STAP1: variants seen among roughly 807,000 people sequenced by gnomAD.
The protein encoded by STAP1 is signal transducing adaptor family member 1.
Under a neutral mutation model 37.8 loss-of-function variants are expected in STAP1, and 30 were observed. That is an observed-to-expected ratio of 0.79 (90% confidence interval 0.59 to 1.08). The LOEUF (loss-of-function observed/expected upper bound fraction) is 1.08, where lower values mean the gene tolerates loss of function less well. STAP1 is among the 50% of genes least tolerant of loss of function. The probability of loss-of-function intolerance (pLI) is 0.00; values close to 1 mark genes in which losing one functional copy is unlikely to be tolerated. For synonymous variants in STAP1, 130 were observed against 116.0 expected, an observed-to-expected ratio of 1.12 and a Z score of -0.78; for missense variants, 357 against 349.4, an observed-to-expected ratio of 1.02 and a Z score of -0.17.
chr4:67,581,605 C>A, intron 5 of STAP1, 134 bp downstream of exon 5: 1 of 903,148 alleles, frequency 1.1e-6, no homozygotes, highest in Non-Finnish European at 1.6e-6. Context: ...TATATCTCTG[C>A]GTACATGCCA....
intron 6 of STAP1, among the ~76,000 whole-genome samples, chr4:67,587,916 G>T (rs1577761050): frequency 6.6e-6 from 1 of 150,856 alleles, no homozygotes; most frequent in South Asian, 2.1e-4. Context: ...TACAGACGGG[G>T]TTTCTCCATG....
intron 6 of STAP1, among the ~76,000 whole-genome samples, chr4:67,585,658 T>C (rs3775873): frequency 0.45 from 68,947 of 152,152 alleles, 17,091 homozygotes; most frequent in Non-Finnish European, 0.58. Flanking sequence ...GGATTTTCAA[T>C]TCTATTGAAA....
rs144841016 is a variant in STAP1, at chr4:67,593,268, C to T, written c.738C>T (p.Leu246=). 9.9e-5 allele frequency: 159 copies of T among 1,612,482 alleles called. 1 individual carries two copies. In the African/African-American group the frequency reaches 1.9e-3, roughly 19 times the overall value. Residue 246 remains leucine (L), a synonymous_variant, in exon 8 of 9, where the codon CTC becomes CTT. Coordinates refer to ENST00000265404, the MANE Select transcript of STAP1 (RefSeq NM_012108.4). ...ACTCTCTATTAATACAGGTAACACT[C>T]CCAAACCTTTTCAGTGTCATTGATT... ...YTIELEKPVT[L]PNLFSVIDYF...
intron 4 of STAP1, among the ~76,000 whole-genome samples, chr4:67,580,649 C>A (rs1293235523): frequency 6.6e-6 from 1 of 152,124 alleles, no homozygotes; most frequent in Non-Finnish European, 1.5e-5. Flanking sequence ...CAGAGCTGGT[C>A]ATAATGAGGT....
chr4:67,601,966 C>G (rs1560468667), intron 8 of STAP1, among the ~76,000 whole-genome samples: 1 of 151,820 alleles, frequency 6.6e-6, no homozygotes, highest in East Asian at 1.9e-4. Flanking sequence ...CTCTTTAAGA[C>G]TAGTAACTCT....
chr4:67,599,424 G>T (rs1004655854), intron 8 of STAP1, among the ~76,000 whole-genome samples: 1 of 151,640 alleles, frequency 6.6e-6, no homozygotes, highest in African/African-American at 2.4e-5. Flanking sequence ...ATTTTTCATG[G>T]TTTCATCTTG....
intron 4 of STAP1, 143 bp downstream of exon 4, chr4:67,577,402 AC>A: frequency 3.5e-6 from 2 of 566,906 alleles, no homozygotes; most frequent in Non-Finnish European, 5.9e-6. Context: ...TTACTTATGA[AC>A]ATTATATTTT....
rs151189818 is a variant in STAP1 at position 67,597,961 on chromosome 4, A to G, written c.826+4605A>G. On this transcript the variant is annotated intron_variant, in intron 8 of 8. Transcript: ENST00000265404. ...GAATTTGAGGGACTGTTGGGAAGGC[A>G]TGATAGGTTTTGAAATGTGAAACGG... 7.1e-3 allele frequency among the ~76,000 whole-genome samples: 1,074 copies of G among 152,264 alleles called. 11 individuals carry two copies. Among genetic ancestry groups the G allele is most frequent in the African/African-American group, 0.023 (961 of 41,564 alleles).
rs904649893 is a variant in STAP1 at position 67,606,982 on chromosome 4, T to C, written c.*625T>C. On this transcript the variant is annotated 3_prime_UTR_variant, in exon 9 of 9. Transcript: ENST00000265404. ...GGTGAAAGGCTGTATCATCATCTTG[T>C]CGTAAGTACGATGAGCCTGATTATA... is the stretch of plus-strand genomic sequence containing the variant. 2.0e-5 allele frequency: 3 copies of C among 152,226 alleles called. No homozygotes were observed. The highest frequency in any genetic ancestry group is 7.2e-5 in the African/African-American group (3 of 41,450). The allele number at this position is 152,226 out of a possible 1,614,324, so 9.4% of individuals were successfully genotyped here.
intron 1 of STAP1, among the ~76,000 whole-genome samples, chr4:67,568,765 T>C (rs1038469089): frequency 7.2e-5 from 11 of 152,214 alleles, no homozygotes; most frequent in African/African-American, 2.7e-4. Flanking sequence ...CTATGAGCCA[T>C]GTACTCTGCT....
intron 8 of STAP1, among the ~76,000 whole-genome samples, chr4:67,599,638 T>A (rs1171791714): frequency 1.3e-5 from 2 of 151,788 alleles, no homozygotes; most frequent in Non-Finnish European, 2.9e-5. Flanking sequence ...TCTTTTTTCT[T>A]TTTCTTTTTT....
chr4:67,561,836 G>C (rs1727345066), intron 1 of STAP1, among the ~76,000 whole-genome samples: 1 of 151,876 alleles, frequency 6.6e-6, no homozygotes, highest in South Asian at 2.1e-4. Flanking sequence ...CACTCTGGGA[G>C]GCCCAGGTGG....
intron 7 of STAP1, among the ~76,000 whole-genome samples, chr4:67,591,977 A>T (rs10000695): frequency 1.3e-5 from 2 of 151,948 alleles, no homozygotes; most frequent in African/African-American, 2.4e-5. Flanking sequence ...ATAATGTGTC[A>T]TCTTTGTAAC....
At chr4:67,595,822 TTGAC>T (rs1251476171) in intron 8 of STAP1, among the ~76,000 whole-genome samples, 2 of 152,174 alleles carry the variant, frequency 1.3e-5, no homozygotes, top group African/African-American at 4.8e-5. Context: ...TCCTGAGACT[TTGAC>T]TGGATTATGT....
intron 2 of STAP1, among the ~76,000 whole-genome samples, chr4:67,573,620 T>G (rs1332080435): frequency 1.3e-5 from 2 of 152,218 alleles, no homozygotes; most frequent in Non-Finnish European, 2.9e-5. Flanking sequence ...ATGTATTTAT[T>G]TTTAAAATTG....
Position 67,575,487 on chromosome 4 carries a change from G to A in STAP1, c.295G>A (p.Val99Ile), listed in dbSNP as rs778459811. Residue 99 changes from valine (V) to isoleucine (I), a missense_variant, in exon 3 of 9, where the codon GTA (valine) becomes ATA (isoleucine). Transcript: ENST00000265404. ...CACCCTTGTTTTGCCGAAAGAGGAA[G>A]TACAACTGAAGGTGAGCGAGGAGAA... The part of the protein sequence containing the change: ...KFTLVLPKEE[V>I]QLKTENTESG... 3 of 1,609,026 alleles carry A rather than the reference G, an allele frequency of 1.9e-6. No homozygotes were observed. Among genetic ancestry groups the A allele is most frequent in the Non-Finnish European group, 1.7e-6 (2 of 1,177,710 alleles).
rs537393368 is a variant in STAP1 at position 67,575,484 on chromosome 4, G to C, written c.292G>C (p.Glu98Gln). ...AKFTLVLPKE[E>Q]VQLKTENTES... The stretch of plus-strand genomic sequence containing the variant: ...ATTCACCCTTGTTTTGCCGAAAGAG[G>C]AAGTACAACTGAAGGTGAGCGAGGA... Residue 98 changes from glutamate (E) to glutamine (Q), a missense_variant, in exon 3 of 9, where the codon GAA becomes CAA. Physicochemically the swap from Glu to Gln is conservative, Grantham distance 29. Transcript: ENST00000265404. 2.5e-6 allele frequency: 4 copies of C among 1,609,644 alleles called. No individual in the cohort carries two copies. Among genetic ancestry groups the C allele is most frequent in the Non-Finnish European group, 2.5e-6 (3 of 1,178,184 alleles).
At chr4:67,568,573 A>T (rs1727525588) in intron 1 of STAP1, among the ~76,000 whole-genome samples, 1 of 152,204 alleles carries the variant, frequency 6.6e-6, no homozygotes, top group African/African-American at 2.4e-5. Flanking sequence ...GGTTATTTAA[A>T]TATTTTAAAC....
chr4:67,600,920 C>G (rs1220137090), intron 8 of STAP1, among the ~76,000 whole-genome samples: 1 of 152,018 alleles, frequency 6.6e-6, no homozygotes, highest in East Asian at 1.9e-4. Flanking sequence ...TGTTTTTTAT[C>G]CTTTCAGCCA....
Sources: allele counts gnomAD v4.1 joint callset (sites outside exome capture counted in the v4.1 genomes callset), GRCh38; gene constraint gnomAD v4.1.1; transcripts MANE v1.5; gene names NCBI Gene and HGNC (gene_info 2026-07-23, HGNC 2026-07-21).